The following CDC42BPA variants were observed in gnomAD, a reference collection of about 807,000 sequenced individuals.
CDC42BPA encodes CDC42 binding protein kinase alpha, also known as serine/threonine-protein kinase MRCK alpha.
Under a neutral mutation model 223.5 loss-of-function variants are expected in CDC42BPA, and 80 were observed. The observed-to-expected ratio is 0.36, with a 90% CI of 0.30 to 0.43. The LOEUF (loss-of-function observed/expected upper bound fraction) is 0.43. Ranked by LOEUF, CDC42BPA falls within the 20% of genes least tolerant of loss-of-function variation. The pLI is 1.00. For synonymous variants in CDC42BPA, 694 were observed against 718.6 expected (o/e 0.97, Z 0.55); for missense variants, 1,743 against 2,099.9 (o/e 0.83, Z 3.32).
At chr1:227,058,512 A>G (rs1675065659) in intron 21 of CDC42BPA, among the ~76,000 whole-genome samples, 1 of 152,194 alleles carries the variant, frequency 6.6e-6, no homozygotes, top group African/African-American at 2.4e-5. Context: ...TTCCTTTTGA[A>G]TGTTACTATT....
At chr1:227,033,460 T>C in intron 26 of CDC42BPA, 45 bp from the exon 27 acceptor site, 2 of 1,327,894 alleles carry the variant, frequency 1.5e-6, no homozygotes, top group Non-Finnish European at 2.2e-6. Flanking sequence ...TGTGGCTATG[T>C]GTGTGTGGTT....
intron 1 of CDC42BPA, among the ~76,000 whole-genome samples, chr1:227,294,117 A>G (rs2148674499): frequency 6.6e-6 from 1 of 151,726 alleles, no homozygotes; most frequent in African/African-American, 2.4e-5. Flanking sequence ...TAAAAATACA[A>G]AAAAATTAGC....
In CDC42BPA at chr1:227,217,914, G is replaced by A. The variant is rs79054045; in HGVS notation, c.271-4695C>T. On this transcript the variant is annotated intron_variant, in intron 2 of 36. Transcript: ENST00000366766. ...TCTTTGCTTCCCTTTACCATTAGTT[G>A]TCATTATTTCATGAACTATGTATTC... Among the ~76,000 whole-genome samples, 403 of 152,136 alleles carry A rather than the reference G, an allele frequency of 2.6e-3. 3 individuals are homozygous for A. Among genetic ancestry groups the A allele is most frequent in the African/African-American group, 9.4e-3 (389 of 41,482 alleles).
intron 35 of CDC42BPA, among the ~76,000 whole-genome samples, chr1:226,999,094 A>G (rs1238589490): frequency 1.3e-5 from 2 of 152,198 alleles, no homozygotes. Flanking sequence ...CCACAATGAG[A>G]TAGCATCTCA....
chr1:227,012,843 TA>T (rs1395282002), intron 34 of CDC42BPA, among the ~76,000 whole-genome samples: 1 of 152,136 alleles, frequency 6.6e-6, no homozygotes, highest in African/African-American at 2.4e-5. Flanking sequence ...TGCATATTAT[TA>T]TTATTTTCAG....
intron 2 of CDC42BPA, among the ~76,000 whole-genome samples, chr1:227,232,596 G>A (rs1454707107): frequency 1.3e-5 from 2 of 152,180 alleles, no homozygotes; most frequent in Non-Finnish European, 1.5e-5. Flanking sequence ...GGGTTTTGGT[G>A]TGGATGTCCT....
intron 14 of CDC42BPA, among the ~76,000 whole-genome samples, chr1:227,105,862 G>A (rs907917570): frequency 5.9e-5 from 9 of 152,026 alleles, no homozygotes; most frequent in African/African-American, 2.2e-4. Flanking sequence ...CACTTGGATT[G>A]TTTCCACCTT....
chr1:227,314,630 G>C (rs16847649), intron 1 of CDC42BPA, among the ~76,000 whole-genome samples: 46,513 of 151,602 alleles, frequency 0.31, 7,303 homozygotes, highest in East Asian at 0.37. Context: ...TACTTTAAGA[G>C]TAATCTATCA....
chr1:227,031,624 A>C, intron 27 of CDC42BPA, 110 bp from the exon 28 acceptor site: 2 of 773,774 alleles, frequency 2.6e-6, no homozygotes, highest in Non-Finnish European at 4.2e-6. Context: ...AGCATTCATT[A>C]AATGATACCA....
chr1:227,060,554 G>A (rs1017652662), intron 21 of CDC42BPA, among the ~76,000 whole-genome samples: 2 of 151,956 alleles, frequency 1.3e-5, no homozygotes, highest in African/African-American at 4.8e-5. Flanking sequence ...CCTAGAGGAG[G>A]GACAGAGAAG....
chr1:227,239,075 ATG>A, intron 2 of CDC42BPA, among the ~76,000 whole-genome samples: 1 of 152,344 alleles, frequency 6.6e-6, no homozygotes, highest in Non-Finnish European at 1.5e-5. Context: ...TATCTAGACA[ATG>A]TAATATTATT....
At chr1:227,100,405 C>T (rs1456799641) in intron 15 of CDC42BPA, among the ~76,000 whole-genome samples, 3 of 152,034 alleles carry the variant, frequency 2.0e-5, no homozygotes, top group Non-Finnish European at 4.4e-5. Flanking sequence ...CATGACTTTG[C>T]CTCTATTTTA....
At chr1:227,031,210 T>TG in intron 28 of CDC42BPA, 88 bp downstream of exon 28, 1 of 970,214 alleles carries the variant, frequency 1.0e-6, no homozygotes, top group South Asian at 1.4e-5. Flanking sequence ...TGTTGGACAC[T>TG]GGGGATTCCT....
chr1:227,151,991 C>G (rs1224196694), intron 6 of CDC42BPA, among the ~76,000 whole-genome samples: 1 of 151,692 alleles, frequency 6.6e-6, no homozygotes, highest in Non-Finnish European at 1.5e-5. Context: ...GCCACTGACA[C>G]CAGCCTAGGC....
At chr1:227,106,940 T>A (rs1177804250) in intron 14 of CDC42BPA, among the ~76,000 whole-genome samples, 1 of 152,240 alleles carries the variant, frequency 6.6e-6, no homozygotes, top group African/African-American at 2.4e-5. Context: ...CTTATGACAG[T>A]ACCACATTGT....
chr1:227,294,859 CAAAAAAAAA>C (rs397983087), intron 1 of CDC42BPA, among the ~76,000 whole-genome samples: 19 of 12,816 alleles, frequency 1.5e-3, no homozygotes, highest in South Asian at 4.7e-3. Flanking sequence ...GACTCCGTCT[CAAAAAAAAA>C]AAAAAAAAAA....
chr1:227,316,020 C>T (rs1219338578), intron 1 of CDC42BPA, among the ~76,000 whole-genome samples: 1 of 145,060 alleles, frequency 6.9e-6, no homozygotes, highest in Non-Finnish European at 1.5e-5. Flanking sequence ...TAAAGTTTTA[C>T]TTGGGAACAG....
chr1:227,311,801 C>T (rs777676273), intron 1 of CDC42BPA, among the ~76,000 whole-genome samples: 1 of 152,076 alleles, frequency 6.6e-6, no homozygotes, highest in Admixed American at 6.5e-5. Flanking sequence ...CATTCTCATT[C>T]TCTGTCTCCC....
rs556526036 is a variant in CDC42BPA, at chr1:227,091,868, TGA to T, written c.2355+16_2355+17del. 160 of 1,339,290 alleles carry T rather than the reference TGA, an allele frequency of 1.2e-4. 3 individuals are homozygous for T. In the South Asian group the frequency reaches 1.9e-3, roughly 16 times the overall value. The allele number at this position is 1,339,290 out of a possible 1,614,324, so 83.0% of individuals were successfully genotyped here. Reference sequence around the variant, plus strand: ...TCTAGCATGTACTACTCAATTAATATGAGATTAAATCACTCACCTTATCAAGT... The same window carrying T: ...TCTAGCATGTACTACTCAATTAATATGATTAAATCACTCACCTTATCAAGT... On this transcript the variant is annotated intron_variant, in intron 16 of 36. Coordinates refer to ENST00000366766, the MANE Select transcript of CDC42BPA (RefSeq NM_001394014.1).
Sources: gnomAD v4.1 joint callset for allele counts (sites outside exome capture counted in the v4.1 genomes callset) on GRCh38, gnomAD v4.1.1 for gene constraint, MANE v1.5 for transcripts, NCBI Gene and HGNC (gene_info 2026-07-23, HGNC 2026-07-21) for gene names.